The following CAST variants were observed in gnomAD, a reference collection of about 807,000 sequenced individuals.
CAST encodes the protein MIR583 host.
A neutral mutation model predicts 119.6 loss-of-function variants in CAST; 76 were observed. The ratio of observed to expected loss-of-function variants is 0.64; its 90% CI spans 0.53 to 0.77. CAST has a LOEUF of 0.77. CAST is among the 30% of genes least tolerant of loss of function. CAST has a pLI of 0.00. For missense variants in CAST, 953 were observed against 946.5 expected (o/e 1.01, Z -0.09); for synonymous variants, 319 against 331.6 (o/e 0.96, Z 0.41).
chr5:96,739,323 GT>G (rs1353000721), intron 11 of CAST, among the ~76,000 whole-genome samples: 5 of 152,178 alleles, frequency 3.3e-5, no homozygotes, highest in African/African-American at 1.2e-4. Context: ...CTGGTGAAAT[GT>G]TTGGAAACAA....
the CAST span, among the ~76,000 whole-genome samples, chr5:96,410,042 G>T: frequency 2.0e-5 from 3 of 152,166 alleles, no homozygotes; most frequent in Admixed American, 1.3e-4. Flanking sequence ...TAGCTAGTTG[G>T]TCCTTTCTGT....
At chr5:96,565,829 T>G (rs1031127646) in intron 1 of CAST, among the ~76,000 whole-genome samples, 1 of 152,204 alleles carries the variant, frequency 6.6e-6, no homozygotes, top group Non-Finnish European at 1.5e-5. Flanking sequence ...CAAATCAACC[T>G]AGAAATCCTA....
At chr5:96,520,003 C>A in the CAST span, among the ~76,000 whole-genome samples, 1 of 152,158 alleles carries the variant, frequency 6.6e-6, no homozygotes, top group Non-Finnish European at 1.5e-5. Context: ...GTATTTAAAT[C>A]CCTTTTTGGA....
intron 1 of CAST, among the ~76,000 whole-genome samples, chr5:96,560,833 C>T (rs746729490): frequency 6.6e-6 from 1 of 152,082 alleles, no homozygotes; most frequent in Non-Finnish European, 1.5e-5. Flanking sequence ...ACCATTTGAC[C>T]CAGCCATCCC....
the CAST span, among the ~76,000 whole-genome samples, chr5:96,339,792 G>A: frequency 1.3e-5 from 2 of 152,116 alleles, no homozygotes; most frequent in Admixed American, 6.5e-5. Flanking sequence ...CAGGTAGAGC[G>A]AGTAGTTGAC....
At chr5:96,644,897 G>A (rs1463483795) in intron 1 of CAST, among the ~76,000 whole-genome samples, 2 of 152,098 alleles carry the variant, frequency 1.3e-5, no homozygotes, top group Non-Finnish European at 2.9e-5. Context: ...AATCGCTTGA[G>A]CCTGGGAGGC....
the CAST span, among the ~76,000 whole-genome samples, chr5:96,178,419 G>A: frequency 6.6e-6 from 1 of 152,052 alleles, no homozygotes; most frequent in East Asian, 1.9e-4. Context: ...TAATAAGTTG[G>A]AATCTTAAGA....
the CAST span, among the ~76,000 whole-genome samples, chr5:96,165,691 T>G: frequency 6.6e-6 from 1 of 152,328 alleles, no homozygotes; most frequent in Middle Eastern, 3.4e-3. Context: ...ATAGCCAAAC[T>G]GTGGTTGCAT....
chr5:95,981,655 C>T, the CAST span, among the ~76,000 whole-genome samples: 1 of 152,136 alleles, frequency 6.6e-6, no homozygotes, highest in South Asian at 2.1e-4. Flanking sequence ...GCGGGCGGAT[C>T]ACGTGGTCAA....
chr5:96,345,232 C>T, the CAST span, among the ~76,000 whole-genome samples: 1 of 152,130 alleles, frequency 6.6e-6, no homozygotes, highest in African/African-American at 2.4e-5. Context: ...TTTTCTCTTC[C>T]CAAAAGAGCT....
the CAST span, among the ~76,000 whole-genome samples, chr5:96,115,427 A>G: frequency 2.0e-5 from 3 of 152,228 alleles, no homozygotes; most frequent in African/African-American, 4.8e-5. Context: ...CTTTTAATGA[A>G]TTAACTCATT....
At chr5:96,507,990 C>CATCATTATT in the CAST span, among the ~76,000 whole-genome samples, 20 of 142,266 alleles carry the variant, frequency 1.4e-4, no homozygotes, top group Non-Finnish European at 2.6e-4. Flanking sequence ...ATATCCCTGA[C>CATCATTATT]ATTATTATTA....
the CAST span, among the ~76,000 whole-genome samples, chr5:96,043,548 T>G: frequency 6.6e-6 from 1 of 152,176 alleles, no homozygotes; most frequent in African/African-American, 2.4e-5. Flanking sequence ...GAACTCAAAG[T>G]TTCTTCATCT....
rs10529318 is a variant in CAST at position 96,666,257 on chromosome 5, A to AACAC, written c.75+3779_75+3782dup. 3.5e-3 allele frequency among the ~76,000 whole-genome samples: 526 copies of AACAC among 150,048 alleles called. 9 individuals are homozygous for AACAC. Among genetic ancestry groups the AACAC allele is most frequent in the Admixed American group, 0.022 (328 of 15,078 alleles). Reference sequence around the variant, plus strand: ...TCTTCTGAAAAATGTGGTTGTAGTAAACACACACACACACACACACACCAC... The same window carrying AACAC: ...TCTTCTGAAAAATGTGGTTGTAGTAAACACACACACACACACACACACACACCAC... On this transcript the variant is annotated intron_variant, in intron 1 of 31. Coordinates refer to ENST00000675179, the MANE Select transcript of CAST (RefSeq NM_001750.7).
At chr5:96,736,912 A>G (rs1041400067) in intron 10 of CAST, among the ~76,000 whole-genome samples, 1 of 152,174 alleles carries the variant, frequency 6.6e-6, no homozygotes, top group Admixed American at 6.5e-5. Context: ...ATTGACTCAC[A>G]TTTCTGTGTG....
chr5:96,082,883 A>G, the CAST span, among the ~76,000 whole-genome samples: 1 of 152,208 alleles, frequency 6.6e-6, no homozygotes, highest in African/African-American at 2.4e-5. Flanking sequence ...ACAGATACCC[A>G]CTATTAGCTT....
the CAST span, among the ~76,000 whole-genome samples, chr5:96,426,805 C>G: frequency 6.6e-6 from 1 of 151,908 alleles, no homozygotes; most frequent in Admixed American, 6.6e-5. Context: ...TGAATCAGCT[C>G]CAAAAATAAA....
At chr5:96,262,989 A>G in the CAST span, among the ~76,000 whole-genome samples, 3 of 152,096 alleles carry the variant, frequency 2.0e-5, no homozygotes, top group African/African-American at 7.2e-5. Flanking sequence ...ATGTCCTGCT[A>G]TATGTGTGGT....
At chr5:96,597,948 G>C (rs567815734) in intron 1 of CAST, among the ~76,000 whole-genome samples, 82 of 151,916 alleles carry the variant, frequency 5.4e-4, no homozygotes, top group African/African-American at 1.9e-3. Context: ...AGGGGGGAGG[G>C]GGAGAGGCCA....
Sources: gnomAD v4.1 joint callset for allele counts (sites outside exome capture counted in the v4.1 genomes callset) on GRCh38, gnomAD v4.1.1 for gene constraint, MANE v1.5 for transcripts, NCBI Gene and HGNC (gene_info 2026-07-23, HGNC 2026-07-21) for gene names.